MYO19: variants seen among roughly 807,000 people sequenced by gnomAD.
The protein encoded by MYO19 is unconventional myosin-XIX.
MYO19 carries 132 observed loss-of-function variants against 129.2 expected under a neutral mutation model. The observed-to-expected ratio is 1.02, with a 90% CI of 0.89 to 1.18. MYO19 has a LOEUF of 1.18. Ranked by LOEUF, MYO19 falls within the 50% of genes most tolerant of loss-of-function variation. The pLI is 0.00. For synonymous variants in MYO19, 531 were observed against 477.2 expected, an observed-to-expected ratio of 1.11 and a Z score of -1.47; for missense variants, 1,210 against 1,216.7, an observed-to-expected ratio of 0.99 and a Z score of 0.08.
Position 36,533,956 on chromosome 17 carries a change from T to C in MYO19, c.-147A>G, listed in dbSNP as rs1205965692. Reference sequence around the variant, plus strand: ...GAAGCGTTAAAGGGGCTAATACCTGTGAAAGCGCTCTGCAAATGTTATTAC... The same window carrying C: ...GAAGCGTTAAAGGGGCTAATACCTGCGAAAGCGCTCTGCAAATGTTATTAC... On this transcript the variant is annotated 5_prime_UTR_variant, in exon 2 of 26. Transcript: ENST00000614623. The C allele has an allele frequency of 1.3e-5, 2 of 152,248 alleles. No homozygotes were observed. The highest frequency in any genetic ancestry group is 2.9e-5 in the Non-Finnish European group (2 of 68,056). The allele number at this position is 152,248 out of a possible 1,614,324, so 9.4% of individuals were successfully genotyped here.
intron 25 of MYO19, 143 bp downstream of exon 25, chr17:36,498,123 G>T: frequency 2.5e-6 from 2 of 796,948 alleles, no homozygotes; most frequent in Non-Finnish European, 3.8e-6. Flanking sequence ...GCAGCTGATT[G>T]GGACATGCAG....
At position 36,495,998 on chromosome 17, in the gene MYO19, A is replaced by G; in HGVS notation, c.*253T>C. 1 of 787,492 alleles carries G rather than the reference A, an allele frequency of 1.3e-6. No individual in the cohort carries two copies. The highest frequency in any genetic ancestry group is 1.8e-6 in the Non-Finnish European group (1 of 549,276). The allele number at this position is 787,492 out of a possible 1,614,324, so 48.8% of individuals were successfully genotyped here. A position where few individuals can be genotyped will look rare whatever the true frequency, so the allele number is the denominator to read the frequency against. On this transcript the variant is annotated 3_prime_UTR_variant, in exon 26 of 26. Coordinates refer to ENST00000614623, the MANE Select transcript of MYO19 (RefSeq NM_001163735.2). ...TGAGTTTGATCTGTGAAGGTAGTGA[A>G]ATGTGGCCCTGATGTTTCTTAACCC...
intron 25 of MYO19, among the ~76,000 whole-genome samples, chr17:36,497,443 T>C (rs962880074): frequency 2.0e-5 from 3 of 152,146 alleles, no homozygotes; most frequent in East Asian, 3.8e-4. Context: ...CCAGTGCCAT[T>C]TGAGGTAACA....
intron 25 of MYO19, 174 bp downstream of exon 25, chr17:36,498,092 C>A: frequency 3.1e-6 from 2 of 637,968 alleles, no homozygotes; most frequent in Non-Finnish European, 5.1e-6. Context: ...CCAGTTATAA[C>A]AAAATAAATA....
intron 11 of MYO19, among the ~76,000 whole-genome samples, chr17:36,512,240 AT>A (rs1412740674): frequency 3.6e-5 from 4 of 111,926 alleles, no homozygotes; most frequent in African/African-American, 8.3e-5. Flanking sequence ...CACACACAAA[AT>A]TAGCTGGGTG....
chr17:36,513,602 C>T, intron 10 of MYO19, 27 bp downstream of exon 10: 1 of 1,613,844 alleles, frequency 6.2e-7, no homozygotes, highest in Non-Finnish European at 8.5e-7. Flanking sequence ...TGGGTCAGCG[C>T]AAGGTGCTGG....
At position 36,527,685 on chromosome 17, in the gene MYO19, G is replaced by A. The variant is rs1293391212; in HGVS notation, c.166C>T (p.Gln56Ter). Reference protein sequence around the residue: ...VTLETVLRCLQARYMADTFYT... With the variant: ...VTLETVLRCL ...AATGTGTCTGCCATGTACCGGGCCTGCAGGCACCTCAGGACTGAGGCAGAG... is the reference window on the plus strand; with the variant it reads ...AATGTGTCTGCCATGTACCGGGCCTACAGGCACCTCAGGACTGAGGCAGAG... Residue 56 changes from glutamine to a stop codon, truncating the protein, a stop_gained, in exon 5 of 26, where the codon CAG becomes TAG. Transcript: ENST00000614623. LOFTEE classifies it high-confidence loss of function. The A allele has an allele frequency of 6.2e-7, 1 of 1,613,086 alleles. No individual in the cohort carries two copies.
rs2071512400 is a variant in MYO19, at chr17:36,501,304, G to C, written c.2081-69C>G. On this transcript the variant is annotated intron_variant, in intron 21 of 25. Transcript: ENST00000614623. ...ATGCCTCTGTGGCCTGAAGAAACTG[G>C]CTTTGGCCTCCCTAGCACTCTACAG... The C allele has an allele frequency of 4.6e-6, 7 of 1,511,650 alleles. No homozygotes were observed. In the Admixed American group the frequency reaches 9.6e-5, roughly 21 times the overall value. The allele number at this position is 1,511,650 out of a possible 1,614,324, so 93.6% of individuals were successfully genotyped here.
rs148871023 is a variant in MYO19 at position 36,516,796 on chromosome 17, C to T, written c.415-806G>A. On this transcript the variant is annotated intron_variant, in intron 6 of 25. Coordinates refer to ENST00000614623, the MANE Select transcript of MYO19 (RefSeq NM_001163735.2). Reference sequence around the variant, plus strand: ...CTGTCTTTACATATTGACCTTGTATCCTATCACCTCACTAAACGCTCTACA... The same window carrying T: ...CTGTCTTTACATATTGACCTTGTATTCTATCACCTCACTAAACGCTCTACA... 4.2e-4 allele frequency among the ~76,000 whole-genome samples: 64 copies of T among 152,318 alleles called. 1 individual carries two copies. Among genetic ancestry groups the T allele is most frequent in the Non-Finnish European group, 7.9e-4 (54 of 68,026 alleles).
At chr17:36,510,685 C>G (rs1275657930) in intron 13 of MYO19, 61 bp downstream of exon 13, 1 of 1,510,284 alleles carries the variant, frequency 6.6e-7, no homozygotes, top group African/African-American at 1.4e-5. Context: ...CTGGCCCAAC[C>G]CCGGACAGGA....
chr17:36,498,301 G>A lies in MYO19; in HGVS notation c.2722C>T (p.Gln908Ter), dbSNP rs1396180967. 3 of 1,613,750 alleles carry A rather than the reference G, an allele frequency of 1.9e-6. No individual in the cohort carries two copies. The highest frequency in any genetic ancestry group is 2.2e-5 in the South Asian group (2 of 91,088). ...GCTCGGATGGACGTGACACCAGCCT[G>A]GTCTTGTGCTGTCTGGACAGTGTAG... Reference protein sequence around the residue: ...SSYTVQTAQDQAGVTSIRALP... With the variant: ...SSYTVQTAQD The change falls in exon 25 of 26, where the codon CAG (glutamine) becomes TAG (stop). Residue 908 changes from glutamine (Q) to a stop codon, truncating the protein, a stop_gained. Transcript: ENST00000614623. LOFTEE classifies it high-confidence loss of function.
chr17:36,511,078 C>A, intron 12 of MYO19, 161 bp from the exon 13 acceptor site: 1 of 802,464 alleles, frequency 1.2e-6, no homozygotes, highest in Non-Finnish European at 1.9e-6. Flanking sequence ...CCATAAACAG[C>A]AGTCAGAACT....
At chr17:36,536,941 C>T (rs565146078), upstream of MYO19, among the ~76,000 whole-genome samples, 7 of 152,290 alleles carry the variant, frequency 4.6e-5, no homozygotes, top group Admixed American at 3.3e-4. Context: ...TTCCCACAAT[C>T]CTTGGAAGGG....
At chr17:36,537,564 A>G, upstream of MYO19, 3 of 1,614,094 alleles carry the variant, frequency 1.9e-6, no homozygotes, top group Non-Finnish European at 2.5e-6. Context: ...TTTTCCCAGA[A>G]GATTTGCCAA....
At chr17:36,505,546 C>T (rs752787858) in intron 18 of MYO19, 142 bp from the exon 19 acceptor site, 41 of 625,792 alleles carry the variant, frequency 6.6e-5, no homozygotes, top group Non-Finnish European at 1.1e-4. Context: ...GCAGGGATGA[C>T]TGCTGCAGGC....
At chr17:36,508,316 G>A (rs1038269643) in intron 14 of MYO19, 7 of 165,682 alleles carry the variant, frequency 4.2e-5, no homozygotes. Flanking sequence ...CCAATTTGGT[G>A]CCTAGAATTC....
chr17:36,514,465 T>G lies in MYO19; in HGVS notation c.701A>C (p.Asn234Thr), dbSNP rs768350861. ...ACAAACCTGATAGAAGATGTGGAAG[T>G]TCCTCTCACTGGAAGCCTGGCAGGC... Reference protein sequence around the residue: ...RVACQASSERNFHIFYQICKG... With the variant: ...RVACQASSERTFHIFYQICKG... Residue 234 changes from asparagine to threonine, a missense_variant, in exon 9 of 26, where the codon AAC becomes ACC. Physicochemically the swap from Asn to Thr is moderately conservative, Grantham distance 65. Transcript: ENST00000614623. The G allele has an allele frequency of 9.9e-6, 16 of 1,612,324 alleles. No homozygotes were observed. The South Asian group carries it at 1.8e-4, about 18-fold the overall frequency.
Position 36,504,005 on chromosome 17 carries a change from C to T in MYO19, c.1921G>A (p.Glu641Lys). The change falls in exon 20 of 26, where the codon GAG becomes AAG. Residue 641 changes from glutamate to lysine, a missense_variant. Glu to Lys is a moderately conservative substitution (Grantham distance 56). Coordinates refer to ENST00000614623, the MANE Select transcript of MYO19 (RefSeq NM_001163735.2). ...ATGGTCTCCACGAGGCCACAGGCCTCCAGCTGGCTCAGGACCTGCAAGGGT... is the reference window on the plus strand; with the variant it reads ...ATGGTCTCCACGAGGCCACAGGCCTTCAGCTGGCTCAGGACCTGCAAGGGT... ...FLQEEVLSQLEACGLVETIHI... is the reference protein window; with the variant it reads ...FLQEEVLSQLKACGLVETIHI... 6.3e-7 allele frequency: 1 copy of T among 1,577,942 alleles called. No individual in the cohort carries two copies. The highest frequency in any genetic ancestry group is 8.6e-7 in the Non-Finnish European group (1 of 1,164,162).
intron 3 of MYO19, among the ~76,000 whole-genome samples, chr17:36,530,367 C>G (rs1247546339): frequency 6.6e-6 from 1 of 151,530 alleles, no homozygotes; most frequent in African/African-American, 2.4e-5. Flanking sequence ...CACAGATACT[C>G]ACAAGCACAA....
Sources: gnomAD v4.1 joint callset for allele counts (sites outside exome capture counted in the v4.1 genomes callset) on GRCh38, gnomAD v4.1.1 for gene constraint, MANE v1.5 for transcripts, NCBI Gene and HGNC (gene_info 2026-07-23, HGNC 2026-07-21) for gene names.